Variants in SLC13A1 observed in about 807,000 individuals in gnomAD.
SLC13A1 encodes Na(+)/sulfate cotransporter.
In SLC13A1, 65 loss-of-function variants were observed where a neutral mutation model predicts 70.0. The observed-to-expected ratio is 0.93, with a 90% confidence interval of 0.76 to 1.14. The LOEUF is 1.14. Ranked by LOEUF, SLC13A1 falls within the 50% of genes most tolerant of loss-of-function variation. The probability of loss-of-function intolerance (pLI) is 0.00; values close to 1 mark genes in which losing one functional copy is unlikely to be tolerated. For synonymous variants in SLC13A1, 275 were observed against 250.5 expected, an observed-to-expected ratio of 1.10 and a Z score of -0.92; for missense variants, 726 against 717.8, an observed-to-expected ratio of 1.01 and a Z score of -0.13.
intron 6 of SLC13A1, among the ~76,000 whole-genome samples, chr7:123,154,814 G>A (rs183180428): frequency 3.4e-4 from 52 of 152,044 alleles, no homozygotes; most frequent in African/African-American, 1.2e-3. Context: ...CTCTTTCAGG[G>A]CCTCCTTTCC....
At chr7:123,199,708 T>C in intron 1 of SLC13A1, 140 bp downstream of exon 1, 1 of 618,494 alleles carries the variant, frequency 1.6e-6, no homozygotes, top group East Asian at 2.8e-5. Context: ...CAAAACATCA[T>C]GTACAACCAT....
intron 2 of SLC13A1, among the ~76,000 whole-genome samples, chr7:123,174,187 G>A (rs1159231679): frequency 6.6e-6 from 1 of 151,794 alleles, no homozygotes. Flanking sequence ...ATACATGGGG[G>A]CACTCAATGA....
Position 123,181,118 on chromosome 7 carries a change from C to A in SLC13A1, c.100-17G>T, listed in dbSNP as rs1795625713. 1 of 1,606,730 alleles carries A rather than the reference C, an allele frequency of 6.2e-7. No homozygotes were observed. The highest frequency in any genetic ancestry group is 1.1e-5 in the South Asian group (1 of 90,456). ...TTCTGCTTCCTGGTAAGAACAAATG[C>A]AAAGCAAAAGGTGATATTATGAGGC... On this transcript the variant is annotated splice_polypyrimidine_tract_variant and intron_variant, in intron 1 of 14. Transcript: ENST00000194130.
rs1358735185 is a variant in SLC13A1 at position 123,177,515 on chromosome 7, T to G, written c.228+3458A>C. On this transcript the variant is annotated intron_variant, in intron 2 of 14. Coordinates refer to ENST00000194130, the MANE Select transcript of SLC13A1 (RefSeq NM_022444.4). ...ATGTTAAAATCTTGCAATGGACTAC[T>G]TTGACCCTACCTGGTCCATTGCCTC... 3.9e-5 allele frequency among the ~76,000 whole-genome samples: 6 copies of G among 152,276 alleles called. No individual in the cohort carries two copies. In the East Asian group the frequency reaches 1.2e-3, roughly 29 times the overall value.
chr7:123,190,704 T>C (rs1331350724), intron 1 of SLC13A1: 1 of 455,624 alleles, frequency 2.2e-6, no homozygotes, highest in Admixed American at 2.4e-5. Flanking sequence ...CTGTTGAGCA[T>C]TAGAGTGTCT....
intron 1 of SLC13A1, among the ~76,000 whole-genome samples, chr7:123,192,776 G>A (rs1796040938): frequency 6.6e-6 from 1 of 152,138 alleles, no homozygotes; most frequent in Admixed American, 6.6e-5. Flanking sequence ...CCCTACTGCA[G>A]CAGTGATTTC....
In SLC13A1 at chr7:123,146,355, T is replaced by C. The variant is rs147973983; in HGVS notation, c.812+804A>G. On this transcript the variant is annotated intron_variant, in intron 7 of 14. Transcript: ENST00000194130. ...GCCTGGCCAACATGGCAAAACCCCG[T>C]GTCTACTAAAAGTACAAAAATTAGC... 6.2e-3 allele frequency among the ~76,000 whole-genome samples: 950 copies of C among 152,222 alleles called. 4 individuals are homozygous for C. Among genetic ancestry groups the C allele is most frequent in the Middle Eastern group, 0.014 (4 of 294 alleles).
At chr7:123,147,423 T>C in intron 6 of SLC13A1, 113 bp from the exon 7 acceptor site, 1 of 1,251,798 alleles carries the variant, frequency 8.0e-7, no homozygotes, top group Non-Finnish European at 1.1e-6. Flanking sequence ...TAACTCCTGA[T>C]GTGATTGTAT....
chr7:123,181,100 T>C lies in SLC13A1; in HGVS notation c.101A>G (p.Glu34Gly). 6.2e-7 allele frequency: 1 copy of C among 1,611,216 alleles called. No individual in the cohort carries two copies. Among genetic ancestry groups the C allele is most frequent in the South Asian group, 1.1e-5 (1 of 90,922 alleles). The change falls in exon 2 of 15, where the codon GAA (glutamate) becomes GGA (glycine). Residue 34 changes from glutamate (E) to glycine (G), a missense_variant and splice_region_variant. Transcript: ENST00000194130. The stretch of plus-strand genomic sequence containing the variant: ...AAAGAGTGTGTAGGCACATTCTGCT[T>C]CCTGGTAAGAACAAATGCAAAGCAA... ...LPLPIVLHTK[E>G]AECAYTLFVV...
intron 8 of SLC13A1, among the ~76,000 whole-genome samples, chr7:123,131,717 G>A (rs1793766714): frequency 6.6e-6 from 1 of 152,164 alleles, no homozygotes; most frequent in Non-Finnish European, 1.5e-5. Flanking sequence ...AGACAGAAAA[G>A]GACACTGAAA....
chr7:123,182,473 C>T (rs1795670094), intron 1 of SLC13A1, among the ~76,000 whole-genome samples: 1 of 152,120 alleles, frequency 6.6e-6, no homozygotes, highest in Non-Finnish European at 1.5e-5. Flanking sequence ...TGCCCCTCCA[C>T]CCACTTCCTC....
chr7:123,173,716 C>T (rs1199828374), intron 2 of SLC13A1, among the ~76,000 whole-genome samples: 4 of 152,100 alleles, frequency 2.6e-5, no homozygotes, highest in Admixed American at 6.6e-5. Context: ...GCTAGCCAAA[C>T]CAGGACTCTA....
intron 3 of SLC13A1, among the ~76,000 whole-genome samples, chr7:123,170,521 A>C (rs1795232543): frequency 6.6e-6 from 1 of 152,212 alleles, no homozygotes; most frequent in African/African-American, 2.4e-5. Context: ...CCTCTGGAAC[A>C]GTGAGCAGAG....
chr7:123,116,394 T>C (rs1793182189), intron 14 of SLC13A1, among the ~76,000 whole-genome samples: 1 of 152,178 alleles, frequency 6.6e-6, no homozygotes, highest in Admixed American at 6.5e-5. Context: ...AATGGCAGAG[T>C]TGAGTAGTTG....
intron 6 of SLC13A1, among the ~76,000 whole-genome samples, chr7:123,157,094 G>A (rs1218071890): frequency 6.6e-6 from 1 of 151,986 alleles, no homozygotes; most frequent in Non-Finnish European, 1.5e-5. Context: ...TTTCTTACAA[G>A]GGATACCTAA....
At chr7:123,179,351 C>A (rs959643060) in intron 2 of SLC13A1, among the ~76,000 whole-genome samples, 1 of 152,080 alleles carries the variant, frequency 6.6e-6, no homozygotes, top group Non-Finnish European at 1.5e-5. Context: ...ACCCAGAAAG[C>A]TTTTAAACAC....
rs557750522 is a variant in SLC13A1 at position 123,161,245 on chromosome 7, A to T, written c.660+7129T>A. Among the ~76,000 whole-genome samples, 81 of 150,700 alleles carry T rather than the reference A, an allele frequency of 5.4e-4. 3 individuals are homozygous for T. In the South Asian group the frequency reaches 0.016, roughly 30 times the overall value. On this transcript the variant is annotated intron_variant, in intron 6 of 14. Transcript: ENST00000194130. ...GATTTACATTAAAAAAGACTTAAATAAAATATTTTATTTAAATGAAATAAA... is the reference window on the plus strand; with the variant it reads ...GATTTACATTAAAAAAGACTTAAATTAAATATTTTATTTAAATGAAATAAA...
chr7:123,151,181 A>AGG (rs1794542413), intron 6 of SLC13A1, among the ~76,000 whole-genome samples: 1 of 151,748 alleles, frequency 6.6e-6, no homozygotes, highest in Admixed American at 6.6e-5. Flanking sequence ...AAAATTAACC[A>AGG]TGCTTGGTTG....
chr7:123,113,859 A>C lies in SLC13A1; in HGVS notation c.*1659T>G, dbSNP rs879352076. On this transcript the variant is annotated 3_prime_UTR_variant, in exon 15 of 15. Transcript: ENST00000194130. ...AATTCGTATGTTAAATATTATTTTAAAAACCCTCTTTACTATATTTAGTTT... is the reference window on the plus strand; with the variant it reads ...AATTCGTATGTTAAATATTATTTTACAAACCCTCTTTACTATATTTAGTTT... The C allele has an allele frequency of 4.6e-5, 7 of 152,168 alleles. No individual in the cohort carries two copies. Among genetic ancestry groups the C allele is most frequent in the Admixed American group, 4.6e-4 (7 of 15,278 alleles). The allele number at this position is 152,168 out of a possible 1,614,324, so 9.4% of individuals were successfully genotyped here.
Sources: gnomAD v4.1 joint callset for allele counts (sites outside exome capture counted in the v4.1 genomes callset) on GRCh38, gnomAD v4.1.1 for gene constraint, MANE v1.5 for transcripts, NCBI Gene and HGNC (gene_info 2026-07-23, HGNC 2026-07-21) for gene names.